Variants in RBM10 observed in about 807,000 individuals in gnomAD.
RBM10 encodes the protein RNA-binding protein 10.
A neutral mutation model predicts 84.9 loss-of-function variants in RBM10; 1 was observed. The ratio of observed to expected loss-of-function variants is 0.01; its 90% CI spans 0.00 to 0.06. The LOEUF is 0.06. RBM10 is among the 10% of genes least tolerant of loss of function. RBM10 has a pLI of 1.00. For synonymous variants in RBM10, 326 were observed against 344.5 expected (o/e 0.95, Z 0.60); for missense variants, 438 against 839.0 (o/e 0.52, Z 5.90).
chrX:47,183,349 C>T (rs1175560438), intron 17 of RBM10, among the ~76,000 whole-genome samples: 12 of 110,921 alleles, frequency 1.1e-4, no homozygotes, highest in African/African-American at 2.6e-4. Context: ...GGCGAAACCC[C>T]GTCTCTACTA....
chrX:47,171,307 C>G lies in RBM10; in HGVS notation c.432+49C>G, dbSNP rs373957467. On this transcript the variant is annotated intron_variant, in intron 4 of 23. Transcript: ENST00000377604. ...GCAGGAGGCCAGGCTGGGTCTCCTC[C>G]AGGGCCCTCAACTTCTCCCCACCCC... The G allele has an allele frequency of 5.0e-6, 6 of 1,195,774 alleles. No individual in the cohort carries two copies. In the African/African-American group the frequency reaches 8.8e-5, roughly 17 times the overall value.
Position 47,179,346 on chromosome X carries a change from C to T in RBM10, c.752C>T (p.Thr251Met), listed in dbSNP as rs1556777782. 5.0e-6 allele frequency: 6 copies of T among 1,199,916 alleles called. No individual in the cohort carries two copies. The highest frequency in any genetic ancestry group is 1.8e-5 in the South Asian group (1 of 55,596). ...GCAGAGCAGAAGCTGCCCCTCGGCA[C>T]GAGGCTGGATCAGCAGACACTGCCA... ...SEAEQKLPLG[T>M]RLDQQTLPLG... Residue 251 changes from threonine to methionine, a missense_variant, in exon 9 of 24, where the codon ACG becomes ATG. Physicochemically the swap from Thr to Met is moderately conservative, Grantham distance 81. This residue lies in a region of RBM10 where 36 missense variants were observed against 45.3 expected (regional missense o/e 0.79). Coordinates refer to ENST00000377604, the MANE Select transcript of RBM10 (RefSeq NM_005676.5).
At chrX:47,180,600 C>T in intron 12 of RBM10, 94 bp downstream of exon 12, 1 of 1,158,698 alleles carries the variant, frequency 8.6e-7, no homozygotes, top group Non-Finnish European at 1.2e-6. Flanking sequence ...GGCTTGCTAT[C>T]CATGGATGCA....
At chrX:47,176,685 C>T (rs1556776437) in intron 7 of RBM10, 99 bp downstream of exon 7, 7 of 1,152,625 alleles carry the variant, frequency 6.1e-6, no homozygotes, top group South Asian at 1.9e-5. Flanking sequence ...CTCCATCTCT[C>T]CCCCTCCCCC....
chrX:47,154,995 A>G (rs1350295081), intron 2 of RBM10, among the ~76,000 whole-genome samples: 2 of 107,089 alleles, frequency 1.9e-5, no homozygotes, highest in African/African-American at 6.8e-5. Flanking sequence ...AAAATACAAA[A>G]AATTAGCTGG....
At chrX:47,180,822 T>C (rs1280063731) in intron 12 of RBM10, among the ~76,000 whole-genome samples, 1 of 111,694 alleles carries the variant, frequency 9.0e-6, no homozygotes, top group Non-Finnish European at 1.9e-5. Context: ...TTATATGTAA[T>C]ATATACATAT....
intron 6 of RBM10, 28 bp downstream of exon 6, chrX:47,175,120 C>T (rs1556775524): frequency 1.9e-6 from 2 of 1,055,085 alleles, no homozygotes; most frequent in Admixed American, 2.3e-5. Flanking sequence ...GAACCCCCCC[C>T]CAAACAAATA....
At chrX:47,162,651 G>A (rs929923203) in intron 2 of RBM10, among the ~76,000 whole-genome samples, 4 of 109,929 alleles carry the variant, frequency 3.6e-5, no homozygotes, top group Admixed American at 2.9e-4. Context: ...CGAGGGGGGC[G>A]GATCGTGAAG....
chrX:47,163,109 C>T (rs1443586130), intron 2 of RBM10, among the ~76,000 whole-genome samples: 2 of 107,608 alleles, frequency 1.9e-5, no homozygotes, highest in Non-Finnish European at 3.8e-5. Flanking sequence ...ACACATCAAA[C>T]AAAACCAGTT....
intron 5 of RBM10, among the ~76,000 whole-genome samples, chrX:47,173,971 C>G (rs180885996): frequency 1.1e-5 from 1 of 91,080 alleles, no homozygotes; most frequent in Admixed American, 1.2e-4. Context: ...CTGCCCCCCC[C>G]AACTATATTA....
chrX:47,177,621 C>CTT (rs371789227), intron 7 of RBM10, among the ~76,000 whole-genome samples: 7 of 101,833 alleles, frequency 6.9e-5, no homozygotes, highest in Admixed American at 1.1e-4. Context: ...AGGGAATTCT[C>CTT]TTTTTTTTTT....
At chrX:47,172,061 T>C (rs1556773555) in intron 4 of RBM10, among the ~76,000 whole-genome samples, 1 of 112,433 alleles carries the variant, frequency 8.9e-6, no homozygotes, top group Non-Finnish European at 1.9e-5. Context: ...TTGTTGAGAA[T>C]GTATCTCAGG....
Position 47,146,613 on chromosome X carries a change from A to G in RBM10, c.-125-744A>G, listed in dbSNP as rs1430726415. On this transcript the variant is annotated intron_variant, in intron 1 of 23. Coordinates refer to ENST00000377604, the MANE Select transcript of RBM10 (RefSeq NM_005676.5). The stretch of plus-strand genomic sequence containing the variant: ...ATGAAGTGGCTGCTGCTCCATCCCA[A>G]TAGAAGAGCACAGTGGTTCAGAACA... 1.8e-4 allele frequency among the ~76,000 whole-genome samples: 20 copies of G among 111,188 alleles called. No homozygotes were observed. The Admixed American group carries it at 1.9e-3, about 11-fold the overall frequency.
At chrX:47,157,849 A>G (rs1424724368) in intron 2 of RBM10, 4 of 305,006 alleles carry the variant, frequency 1.3e-5, no homozygotes, top group Admixed American at 5.3e-5. Context: ...GTGTGATCTC[A>G]GCTCGTTGCA....
intron 4 of RBM10, among the ~76,000 whole-genome samples, chrX:47,171,748 G>C (rs781961100): frequency 8.9e-6 from 1 of 112,047 alleles, no homozygotes; most frequent in East Asian, 2.8e-4. Flanking sequence ...GCTGCTAACA[G>C]CCTCCACGCC....
chrX:47,147,920 A>G (rs1208038992), intron 2 of RBM10, among the ~76,000 whole-genome samples: 2 of 111,418 alleles, frequency 1.8e-5, no homozygotes, highest in African/African-American at 6.5e-5. Flanking sequence ...ACTTGCTGGG[A>G]ATGGATACTC....
At position 47,181,575 on chromosome X, in the gene RBM10, G is replaced by C. The variant is rs1556779486; in HGVS notation, c.1504G>C (p.Gly502Arg). Residue 502 changes from glycine to arginine, a missense_variant, in exon 14 of 24, where the codon GGT becomes CGT. Around this residue, in one of 8 missense-constraint regions of RBM10, gnomAD observed 97 missense variants for 110.3 expected, o/e 0.88. Coordinates refer to ENST00000377604, the MANE Select transcript of RBM10 (RefSeq NM_005676.5). ...GCAGGCTTTCTCTCGCGCCCAGCCTGGTGCTGCTCCTGGCATCTACCAACA... is the reference window on the plus strand; with the variant it reads ...GCAGGCTTTCTCTCGCGCCCAGCCTCGTGCTGCTCCTGGCATCTACCAACA... ...SMQAFSRAQP[G>R]AAPGIYQQSA... 2 of 1,208,772 alleles carry C rather than the reference G, an allele frequency of 1.7e-6. No homozygotes were observed. Among genetic ancestry groups the C allele is most frequent in the Middle Eastern group, 2.3e-4 (1 of 4,351 alleles).
intron 6 of RBM10, among the ~76,000 whole-genome samples, chrX:47,175,792 C>T (rs944591937): frequency 3.6e-5 from 4 of 110,587 alleles, no homozygotes; most frequent in Non-Finnish European, 7.6e-5. Flanking sequence ...AAGCCTGGCA[C>T]GGGATCCCAA....
At chrX:47,178,854 T>C (rs1264927433) in intron 7 of RBM10, among the ~76,000 whole-genome samples, 1 of 111,658 alleles carries the variant, frequency 9.0e-6, no homozygotes, top group Non-Finnish European at 1.9e-5. Flanking sequence ...AGGGAGTTGT[T>C]GTACCAAATG....
Sources: gnomAD v4.1 joint callset for allele counts (sites outside exome capture counted in the v4.1 genomes callset) on GRCh38, gnomAD v4.1.1 for gene constraint, gnomAD v4.1.1 regional missense constraint, MANE v1.5 for transcripts, NCBI Gene and HGNC (gene_info 2026-07-23, HGNC 2026-07-21) for gene names.